Variants in EGLN1 observed in about 807,000 individuals in gnomAD.
The protein encoded by EGLN1 is egl-9 family hypoxia inducible factor 1.
EGLN1 carries 17 observed loss-of-function variants against 38.3 expected under a neutral mutation model. That is an observed-to-expected ratio of 0.44 (90% CI 0.30 to 0.67). The LOEUF (loss-of-function observed/expected upper bound fraction) is 0.67, where lower values mean the gene tolerates loss of function less well. Ranked by LOEUF, EGLN1 falls within the 30% of genes least tolerant of loss-of-function variation. The pLI is 0.08. For missense variants in EGLN1, 477 were observed against 603.3 expected (o/e 0.79, Z 2.19); for synonymous variants, 283 against 257.5 (o/e 1.10, Z -0.95).
At chr1:231,420,883 G>C in intron 1 of EGLN1, 115 bp downstream of exon 1, 1 of 1,597,832 alleles carries the variant, frequency 6.3e-7, no homozygotes, top group South Asian at 1.1e-5. Flanking sequence ...ACAAGAAAGA[G>C]CGAGTCCCTT....
At position 231,421,964 on chromosome 1, in the gene EGLN1, C is replaced by CTG; in HGVS notation, c.-78_-77dup. The CTG allele has an allele frequency of 7.6e-7, 1 of 1,319,304 alleles. No homozygotes were observed. Among genetic ancestry groups the CTG allele is most frequent in the Non-Finnish European group, 9.6e-7 (1 of 1,042,466 alleles). 81.7% of individuals were successfully genotyped at this position (1,319,304 alleles called of 1,614,324 possible). A position where few individuals can be genotyped will look rare whatever the true frequency, so the allele number is the denominator to read the frequency against. ...AGCGGCCGGACGGCCTCGCCCGAGGCTGGGGAGCGGGGAGAGAGATAGGGG... is the reference window on the plus strand; with the variant it reads ...AGCGGCCGGACGGCCTCGCCCGAGGCTGTGGGGAGCGGGGAGAGAGATAGGGG... On this transcript the variant is annotated 5_prime_UTR_variant, in exon 1 of 5. Coordinates refer to ENST00000366641, the MANE Select transcript of EGLN1 (RefSeq NM_022051.3). This position sits in a 1 kb window ranked among gnomAD's most constrained non-coding sequence, Gnocchi z 5.5.
rs1461642645 is a variant in EGLN1 at position 231,421,526 on chromosome 1, C to A, written c.363G>T (p.Ala121=). The change falls in exon 1 of 5, where the codon GCG becomes GCT. Residue 121 remains alanine (A), a synonymous_variant. Transcript: ENST00000366641. This position sits in a 1 kb window ranked among gnomAD's most constrained non-coding sequence, Gnocchi z 5.5. ...KVKAKPPADP[A]AAASPCRAAA... ...CCGCACGACACGGCGACGCGGCCGC[C>A]GCTGGGTCGGCCGGGGGCTTGGCCT... 3.8e-6 allele frequency: 5 copies of A among 1,302,176 alleles called. No individual in the cohort carries two copies. The highest frequency in any genetic ancestry group is 4.9e-6 in the Non-Finnish European group (5 of 1,026,232). The allele number at this position is 1,302,176 out of a possible 1,614,324, so 80.7% of individuals were successfully genotyped here. A position where few individuals can be genotyped will look rare whatever the true frequency, so the allele number is the denominator to read the frequency against.
chr1:231,370,597 G>A lies in EGLN1; in HGVS notation c.1113C>T (p.Arg371=), dbSNP rs143991968. Residue 371 remains arginine, a synonymous_variant, in exon 3 of 5, where the codon CGC becomes CGT. Coordinates refer to ENST00000366641, the MANE Select transcript of EGLN1 (RefSeq NM_022051.3). ...ATGCTGGTTGTACTTCATGAGGGTT[G>A]CGACGGTCAGACCAGAAAAACAGCA... is the stretch of plus-strand genomic sequence containing the variant. ...DRLLFFWSDR[R]NPHEVQPAYA... is the part of the protein sequence containing the mutation. 2.5e-3 allele frequency: 3,964 copies of A among 1,614,020 alleles called. 7 individuals carry two copies. The highest frequency in any genetic ancestry group is 3.1e-3 in the Non-Finnish European group (3,637 of 1,180,012).
chr1:231,415,568 T>G (rs1689058733), intron 1 of EGLN1, among the ~76,000 whole-genome samples: 2 of 152,190 alleles, frequency 1.3e-5, no homozygotes, highest in South Asian at 4.1e-4. Flanking sequence ...CACAGAATTC[T>G]TAAAAGAATC....
intron 1 of EGLN1, among the ~76,000 whole-genome samples, chr1:231,394,768 TTCC>T (rs1282800163): frequency 3.9e-5 from 6 of 152,082 alleles, no homozygotes; most frequent in African/African-American, 1.4e-4. Context: ...AAGCAAAAAC[TTCC>T]TCAACTTTTC....
At chr1:231,409,246 A>T (rs1304071369) in intron 1 of EGLN1, among the ~76,000 whole-genome samples, 3 of 142,898 alleles carry the variant, frequency 2.1e-5, no homozygotes, top group Non-Finnish European at 4.6e-5. Context: ...TTTCTTAAAA[A>T]AAAAAAAAAA....
chr1:231,391,970 T>TA (rs1268638873), intron 1 of EGLN1, among the ~76,000 whole-genome samples: 1 of 152,098 alleles, frequency 6.6e-6, no homozygotes. Context: ...TGGCTAAACA[T>TA]AAAAAGCCAC....
intron 1 of EGLN1, among the ~76,000 whole-genome samples, chr1:231,394,152 T>C (rs142051109): frequency 9.3e-4 from 141 of 152,272 alleles, no homozygotes; most frequent in African/African-American, 2.9e-3. Flanking sequence ...TCAACAAACG[T>C]AGACTAATCC....
At chr1:231,396,249 C>CTTTT (rs5781649) in intron 1 of EGLN1, among the ~76,000 whole-genome samples, 1 of 139,142 alleles carries the variant, frequency 7.2e-6, no homozygotes. Flanking sequence ...TCACTGGCTT[C>CTTTT]TTTTTTTTTT....
Position 231,394,082 on chromosome 1 carries a change from C to A in EGLN1, c.892-19983G>T, listed in dbSNP as rs185978137. On this transcript the variant is annotated intron_variant, in intron 1 of 4. Coordinates refer to ENST00000366641, the MANE Select transcript of EGLN1 (RefSeq NM_022051.3). The stretch of plus-strand genomic sequence containing the variant: ...TCTCATCCTCCTTGTGGCTTCATTT[C>A]TTTTCATATTCAGGATAGATTTTTG... Among the ~76,000 whole-genome samples the A allele has an allele frequency of 8.0e-3, 1,220 of 152,282 alleles. 20 individuals are homozygous for A. Among genetic ancestry groups the A allele is most frequent in the African/African-American group, 0.028 (1,157 of 41,552 alleles).
intron 1 of EGLN1, among the ~76,000 whole-genome samples, chr1:231,408,088 C>G (rs1171548531): frequency 6.6e-6 from 1 of 152,110 alleles, no homozygotes; most frequent in African/African-American, 2.4e-5. Flanking sequence ...TAAAACCTTT[C>G]CTTCCCCTGC....
At chr1:231,374,412 T>C (rs1391029338) in intron 1 of EGLN1, among the ~76,000 whole-genome samples, 3 of 152,188 alleles carry the variant, frequency 2.0e-5, no homozygotes, top group Non-Finnish European at 4.4e-5. Context: ...TCCTGCTCCA[T>C]GGGAGATTTC....
At chr1:231,407,427 T>C (rs1402073809) in intron 1 of EGLN1, among the ~76,000 whole-genome samples, 2 of 152,274 alleles carry the variant, frequency 1.3e-5, no homozygotes, top group South Asian at 2.1e-4. Flanking sequence ...ATCAAATCCA[T>C]GATAATTTTA....
At chr1:231,373,195 A>G (rs1354850411) in intron 2 of EGLN1, among the ~76,000 whole-genome samples, 1 of 152,188 alleles carries the variant, frequency 6.6e-6, no homozygotes, top group East Asian at 1.9e-4. Context: ...GTCAGTACTG[A>G]TAAACTTCCA....
At chr1:231,412,672 G>A (rs1438458778) in intron 1 of EGLN1, among the ~76,000 whole-genome samples, 1 of 152,230 alleles carries the variant, frequency 6.6e-6, no homozygotes, top group Non-Finnish European at 1.5e-5. Context: ...AAAGGATGGG[G>A]CTAGAAGGTC....
intron 1 of EGLN1, among the ~76,000 whole-genome samples, chr1:231,393,875 C>T (rs1282893505): frequency 6.6e-6 from 1 of 152,200 alleles, no homozygotes; most frequent in Non-Finnish European, 1.5e-5. Flanking sequence ...TCATCCTAGA[C>T]TGAAACTTCT....
At position 231,365,608 on chromosome 1, in the gene EGLN1, A is replaced by G. The variant is rs1381475548; in HGVS notation, c.*803T>C. 1 of 152,378 alleles carries G rather than the reference A, an allele frequency of 6.6e-6. No homozygotes were observed. Among genetic ancestry groups the G allele is most frequent in the African/African-American group, 2.4e-5 (1 of 41,460 alleles). 9.4% of individuals were successfully genotyped at this position (152,378 alleles called of 1,614,324 possible). ...AGCCAAGAATGCACCACTCCCCTCC[A>G]GCCTGGGTAACAGAGCAAGACTGTC... On this transcript the variant is annotated 3_prime_UTR_variant, in exon 5 of 5. Coordinates refer to ENST00000366641, the MANE Select transcript of EGLN1 (RefSeq NM_022051.3).
chr1:231,406,579 TC>T lies in EGLN1; in HGVS notation c.891+14418del, dbSNP rs1204706018. On this transcript the variant is annotated intron_variant, in intron 1 of 4. Transcript: ENST00000366641. ...GGGGAAAAGAAACTCAAACCATAGT[TC>T]TAAAGGCAGGGAGGGAGCAAGAACT... Among the ~76,000 whole-genome samples, 15 of 152,260 alleles carry T rather than the reference TC, an allele frequency of 9.9e-5. 1 individual carries two copies. In the East Asian group the frequency reaches 2.7e-3, roughly 28 times the overall value.
intron 1 of EGLN1, among the ~76,000 whole-genome samples, chr1:231,400,944 G>C (rs2102925530): frequency 6.6e-6 from 1 of 152,242 alleles, no homozygotes; most frequent in South Asian, 2.1e-4. Flanking sequence ...CAGCTACTCA[G>C]GAGCTGAGAT....
Sources: gnomAD v4.1 joint callset for allele counts (sites outside exome capture counted in the v4.1 genomes callset) on GRCh38, gnomAD v4.1.1 for gene constraint, Gnocchi (gnomAD v3.1) non-coding constraint, MANE v1.5 for transcripts, NCBI Gene and HGNC (gene_info 2026-07-23, HGNC 2026-07-21) for gene names.